PSD3: variants seen among roughly 807,000 people sequenced by gnomAD.
PSD3 encodes pleckstrin and Sec7 domain containing 3.
A neutral mutation model predicts 105.5 loss-of-function variants in PSD3; 49 were observed. The ratio of observed to expected loss-of-function variants is 0.46; its 90% CI spans 0.37 to 0.59. The LOEUF (loss-of-function observed/expected upper bound fraction) is 0.59, where lower values mean the gene tolerates loss of function less well. Ranked by LOEUF, PSD3 falls within the 20% of genes least tolerant of loss-of-function variation. The probability of loss-of-function intolerance (pLI) is 0.00; values close to 1 mark genes in which losing one functional copy is unlikely to be tolerated. For missense variants in PSD3, 1,561 were observed against 1,263.8 expected, an observed-to-expected ratio of 1.24 and a Z score of -3.57; for synonymous variants, 557 against 457.8, an observed-to-expected ratio of 1.22 and a Z score of -2.77.
At chr8:18,776,959 G>A (rs757809199) in intron 8 of PSD3, among the ~76,000 whole-genome samples, 5 of 151,912 alleles carry the variant, frequency 3.3e-5, no homozygotes, top group African/African-American at 4.8e-5. Flanking sequence ...GTATTTCTGC[G>A]GTATCAGTAG....
intron 1 of PSD3, among the ~76,000 whole-genome samples, chr8:19,048,651 ACT>A (rs1056463059): frequency 1.1e-4 from 16 of 151,568 alleles, no homozygotes; most frequent in African/African-American, 3.4e-4. Context: ...GTAGAGATAC[ACT>A]TTGCCTGTGA....
chr8:18,711,267 G>A (rs1315857536), intron 9 of PSD3, among the ~76,000 whole-genome samples: 1 of 152,146 alleles, frequency 6.6e-6, no homozygotes, highest in Admixed American at 6.5e-5. Context: ...CATGATGACA[G>A]GATCAAATTC....
rs143940379 is a variant in PSD3 at position 18,619,464 on chromosome 8, G to T, written c.2410+13149C>A. ...GTTTGAGACCAGCCTGACCAACAAG[G>T]TCTGACCCACCTCTACTAAAAATAC... On this transcript the variant is annotated intron_variant, in intron 11 of 15. Coordinates refer to ENST00000327040, the MANE Select transcript of PSD3 (RefSeq NM_015310.4). Among the ~76,000 whole-genome samples, 310 of 152,112 alleles carry T rather than the reference G, an allele frequency of 2.0e-3. 1 individual carries two copies. Among genetic ancestry groups the T allele is most frequent in the African/African-American group, 7.0e-3 (292 of 41,504 alleles).
At chr8:18,700,868 C>A (rs551360548) in intron 9 of PSD3, among the ~76,000 whole-genome samples, 14 of 152,318 alleles carry the variant, frequency 9.2e-5, no homozygotes, top group Middle Eastern at 3.4e-3. Context: ...GGAAGAGTCA[C>A]TTTACATCTC....
At chr8:18,919,414 G>C (rs976628845) in intron 2 of PSD3, among the ~76,000 whole-genome samples, 8 of 152,206 alleles carry the variant, frequency 5.3e-5, no homozygotes, top group African/African-American at 1.9e-4. Context: ...TGCTCAAGCA[G>C]CCATCCAAGG....
At chr8:18,919,032 C>CT (rs540743007) in intron 2 of PSD3, among the ~76,000 whole-genome samples, 7 of 152,048 alleles carry the variant, frequency 4.6e-5, no homozygotes, top group South Asian at 2.1e-4. Context: ...CTCTTGGATT[C>CT]TTTTTTTTAA....
chr8:18,546,013 A>G (rs895923290), intron 15 of PSD3, among the ~76,000 whole-genome samples: 1 of 151,992 alleles, frequency 6.6e-6, no homozygotes, highest in African/African-American at 2.4e-5. Context: ...TTATTCATTT[A>G]TTTTTGAGAT....
intron 8 of PSD3, among the ~76,000 whole-genome samples, chr8:18,774,386 T>A (rs777235590): frequency 5.3e-5 from 8 of 152,196 alleles, no homozygotes; most frequent in Non-Finnish European, 7.3e-5. Flanking sequence ...AACATTTCAA[T>A]TGCTCTCCAC....
In PSD3 at chr8:18,804,766, G is replaced by A. The variant is rs1811051228; in HGVS notation, c.1767C>T (p.Ala589=). 6.2e-7 allele frequency: 1 copy of A among 1,614,076 alleles called. No homozygotes were observed. The highest frequency in any genetic ancestry group is 8.5e-7 in the Non-Finnish European group (1 of 1,179,992). Residue 589 remains alanine, a synonymous_variant, in exon 5 of 16, where the codon GCC becomes GCT. Coordinates refer to ENST00000327040, the MANE Select transcript of PSD3 (RefSeq NM_015310.4). ...SSNVEAAKRL[A]KRLYQLDRFK... is the part of the protein sequence containing the mutation. The stretch of plus-strand genomic sequence containing the variant: ...ATCTGTCCAGCTGATAAAGGCGTTT[G>A]GCCAACCTTTTGGCTGCTTCCACAT...
intron 1 of PSD3, among the ~76,000 whole-genome samples, chr8:18,984,684 T>C (rs990648078): frequency 2.6e-5 from 4 of 152,162 alleles, no homozygotes; most frequent in Non-Finnish European, 5.9e-5. Context: ...AATGTTGAGG[T>C]TTTTAAATTT....
intron 11 of PSD3, among the ~76,000 whole-genome samples, chr8:18,618,406 C>A (rs968181269): frequency 1.3e-5 from 2 of 151,490 alleles, no homozygotes; most frequent in Non-Finnish European, 3.0e-5. Context: ...TCACTTGTAT[C>A]TGGCTCAGAA....
intron 9 of PSD3, among the ~76,000 whole-genome samples, chr8:18,741,841 A>G (rs1427113971): frequency 5.3e-5 from 8 of 151,950 alleles, no homozygotes; most frequent in Admixed American, 5.2e-4. Context: ...ATGGTTACCA[A>G]CAAATGAAAT....
chr8:18,704,675 G>C (rs939458741), intron 9 of PSD3, among the ~76,000 whole-genome samples: 15 of 152,080 alleles, frequency 9.9e-5, no homozygotes, highest in Admixed American at 7.9e-4. Flanking sequence ...TTCCATCTCA[G>C]TTCTGCTAAG....
chr8:19,056,661 A>T (rs1027850947), intron 1 of PSD3, among the ~76,000 whole-genome samples: 2 of 152,034 alleles, frequency 1.3e-5, no homozygotes. Flanking sequence ...ACTATTCCAA[A>T]CTCTGTCGCT....
chr8:18,582,814 ATCTTTTTTTTTTT>A (rs558485753), intron 12 of PSD3, among the ~76,000 whole-genome samples: 1 of 76,930 alleles, frequency 1.3e-5, no homozygotes, highest in African/African-American at 5.1e-5. Context: ...AGCCACACTG[ATCTTTTTTTTTTT>A]TTTTTTTTTT....
At chr8:18,604,465 A>T (rs1804669104) in intron 11 of PSD3, among the ~76,000 whole-genome samples, 1 of 152,278 alleles carries the variant, frequency 6.6e-6, no homozygotes, top group South Asian at 2.1e-4. Context: ...CAAAGAAATG[A>T]CCTAAAACTG....
At chr8:18,756,197 G>A (rs895206244) in intron 9 of PSD3, among the ~76,000 whole-genome samples, 1 of 151,772 alleles carries the variant, frequency 6.6e-6, no homozygotes, top group Non-Finnish European at 1.5e-5. Flanking sequence ...ACCTACTCTA[G>A]GCAACAGTTG....
At chr8:18,898,641 C>G (rs780955578) in intron 2 of PSD3, among the ~76,000 whole-genome samples, 78 of 152,020 alleles carry the variant, frequency 5.1e-4, no homozygotes, top group Non-Finnish European at 7.4e-4. Flanking sequence ...AGGGAATGGA[C>G]ACATATTTTG....
chr8:18,677,876 G>T (rs1029569600), intron 9 of PSD3, among the ~76,000 whole-genome samples: 3 of 152,064 alleles, frequency 2.0e-5, no homozygotes, highest in Non-Finnish European at 4.4e-5. Flanking sequence ...CAGGCGTGGT[G>T]GCGGGTGCCT....
Sources: gnomAD v4.1 joint callset for allele counts (sites outside exome capture counted in the v4.1 genomes callset) on GRCh38, gnomAD v4.1.1 for gene constraint, MANE v1.5 for transcripts, NCBI Gene and HGNC (gene_info 2026-07-23, HGNC 2026-07-21) for gene names.